Variants in LIN52 observed in about 807,000 individuals in gnomAD.
The protein encoded by LIN52 is protein lin-52 homolog.
LIN52 carries 4 observed loss-of-function variants against 18.5 expected under a neutral mutation model. The observed-to-expected ratio is 0.22, with a 90% confidence interval of 0.11 to 0.49. LIN52 has a LOEUF of 0.49. Among genes scored for constraint, LIN52 ranks in the 20% least tolerant of loss-of-function variants. The pLI, the probability that LIN52 is intolerant of heterozygous loss-of-function variation, is 0.97. For synonymous variants in LIN52, 34 were observed against 45.5 expected, an observed-to-expected ratio of 0.75 and a Z score of 1.02; for missense variants, 102 against 139.5, an observed-to-expected ratio of 0.73 and a Z score of 1.35.
intron 5 of LIN52, among the ~76,000 whole-genome samples, chr14:74,196,755 C>G (rs80314826): frequency 6.6e-6 from 1 of 152,104 alleles, no homozygotes; most frequent in East Asian, 1.9e-4. Flanking sequence ...GAACTTACCC[C>G]CCTCTGGAAA....
intron 5 of LIN52, among the ~76,000 whole-genome samples, chr14:74,101,453 G>T (rs1333414820): frequency 6.7e-6 from 1 of 149,556 alleles, no homozygotes; most frequent in East Asian, 2.0e-4. Flanking sequence ...GGTAACAAAT[G>T]ATTTTTCTTT....
intron 3 of LIN52, 112 bp from the exon 4 acceptor site, chr14:74,097,682 A>G (rs984487258): frequency 4.3e-6 from 3 of 702,558 alleles, no homozygotes; most frequent in Non-Finnish European, 4.8e-6. Flanking sequence ...ACCTCAAGTA[A>G]TCCGCCCACC....
intron 5 of LIN52, among the ~76,000 whole-genome samples, chr14:74,168,303 G>A (rs1217961651): frequency 6.6e-6 from 1 of 152,142 alleles, no homozygotes; most frequent in African/African-American, 2.4e-5. Context: ...TGTTATAACA[G>A]TTATTACTTA....
At chr14:74,116,905 G>A in intron 5 of LIN52, among the ~76,000 whole-genome samples, 1 of 145,680 alleles carries the variant, frequency 6.9e-6, no homozygotes. Flanking sequence ...ATGTTTTAAT[G>A]ACTATCTTGA....
intron 5 of LIN52, among the ~76,000 whole-genome samples, chr14:74,196,892 G>A (rs1043670155): frequency 2.6e-5 from 4 of 152,154 alleles, no homozygotes; most frequent in African/African-American, 4.8e-5. Context: ...CCCAGCCCAA[G>A]GTGTCACCCT....
intron 5 of LIN52, among the ~76,000 whole-genome samples, chr14:74,193,680 G>A (rs1261535590): frequency 6.6e-6 from 1 of 152,130 alleles, no homozygotes; most frequent in Non-Finnish European, 1.5e-5. Flanking sequence ...GAATGCCTGT[G>A]TGACTTTGTA....
At chr14:74,094,667 CTAGCCAG>C (rs1035893158) in intron 2 of LIN52, among the ~76,000 whole-genome samples, 6 of 152,164 alleles carry the variant, frequency 3.9e-5, no homozygotes, top group African/African-American at 1.4e-4. Flanking sequence ...TCCTCACATA[CTAGCCAG>C]TATTAGATGT....
At chr14:74,162,233 T>C (rs941249838) in intron 5 of LIN52, among the ~76,000 whole-genome samples, 1 of 152,072 alleles carries the variant, frequency 6.6e-6, no homozygotes, top group African/African-American at 2.4e-5. Context: ...CCCAGCACTT[T>C]GGGAGGCTGA....
At chr14:74,097,213 C>G (rs1005733599) in intron 3 of LIN52, among the ~76,000 whole-genome samples, 17 of 152,162 alleles carry the variant, frequency 1.1e-4, no homozygotes, top group African/African-American at 4.1e-4. Flanking sequence ...CATTGCTATA[C>G]TAACTTGTTA....
At chr14:74,194,479 C>G (rs2078898007) in intron 5 of LIN52, among the ~76,000 whole-genome samples, 1 of 152,190 alleles carries the variant, frequency 6.6e-6, no homozygotes. Flanking sequence ...CTGCCATGAA[C>G]TGGATAGCCC....
At chr14:74,136,609 TGTTGGAGGAAAAC>T (rs1363202389) in intron 5 of LIN52, among the ~76,000 whole-genome samples, 1 of 152,218 alleles carries the variant, frequency 6.6e-6, no homozygotes, top group African/African-American at 2.4e-5. Flanking sequence ...AGTCTCACAG[TGTTGGAGGAAAAC>T]GTTATTAAAA....
chr14:74,165,789 G>T (rs1026270192), intron 5 of LIN52, among the ~76,000 whole-genome samples: 2 of 151,938 alleles, frequency 1.3e-5, no homozygotes, highest in Admixed American at 6.6e-5. Flanking sequence ...GATTACAGGT[G>T]TGAGCCACTG....
chr14:74,200,820 T>TGCGCGC lies in LIN52; in HGVS notation c.*1848_*1853dup, dbSNP rs57561832. On this transcript the variant is annotated 3_prime_UTR_variant, in exon 6 of 6. Transcript: ENST00000555028. ...CGGTTGAAGAGTGTGTGTGTGTGTG[T>TGCGCGC]GCGCGCGCGCATGTGGCCAAAAAAT... 3 of 151,510 alleles carry TGCGCGC rather than the reference T, an allele frequency of 2.0e-5. No individual in the cohort carries two copies. Among genetic ancestry groups the TGCGCGC allele is most frequent in the Non-Finnish European group, 4.4e-5 (3 of 67,770 alleles). 9.4% of individuals were successfully genotyped at this position (151,510 alleles called of 1,614,324 possible).
At chr14:74,131,050 G>A (rs555174940) in intron 5 of LIN52, among the ~76,000 whole-genome samples, 52 of 152,072 alleles carry the variant, frequency 3.4e-4, no homozygotes, top group Non-Finnish European at 6.0e-4. Context: ...GCCTCCCAAA[G>A]TGCTAGGATT....
chr14:74,187,393 AT>A (rs1019401015), intron 5 of LIN52, among the ~76,000 whole-genome samples: 5 of 151,536 alleles, frequency 3.3e-5, no homozygotes, highest in African/African-American at 7.3e-5. Flanking sequence ...AGAAATACAT[AT>A]TTTTTTTTCT....
rs563258654 is a variant in LIN52 at position 74,200,817 on chromosome 14, G to T, written c.*1840G>T. ...ATGCGGTTGAAGAGTGTGTGTGTGT[G>T]TGTGCGCGCGCGCATGTGGCCAAAA... On this transcript the variant is annotated 3_prime_UTR_variant, in exon 6 of 6. Transcript: ENST00000555028. The T allele has an allele frequency of 3.9e-3, 346 of 87,888 alleles. 5 individuals are homozygous for T. Among genetic ancestry groups the T allele is most frequent in the African/African-American group, 0.011 (335 of 30,394 alleles). The allele number at this position is 87,888 out of a possible 1,614,324, so 5.4% of individuals were successfully genotyped here. A position where few individuals can be genotyped will look rare whatever the true frequency, so the allele number is the denominator to read the frequency against.
In LIN52 at chr14:74,110,734, G is replaced by A. The variant is rs562921816; in HGVS notation, c.283+9496G>A. Among the ~76,000 whole-genome samples, 3 of 151,172 alleles carry A rather than the reference G, an allele frequency of 2.0e-5. No individual in the cohort carries two copies. In the South Asian group the frequency reaches 6.3e-4, roughly 32 times the overall value. ...AATCCCAGCACTTTGGGATGCCAAG[G>A]CAGGCAGATCACGAGGTCAGGAGAT... On this transcript the variant is annotated intron_variant, in intron 5 of 5. Transcript: ENST00000555028.
chr14:74,194,046 C>T (rs2078896096), intron 5 of LIN52, among the ~76,000 whole-genome samples: 1 of 152,192 alleles, frequency 6.6e-6, no homozygotes, highest in Non-Finnish European at 1.5e-5. Flanking sequence ...TACATAAAAG[C>T]TGAGCAGAAT....
intron 5 of LIN52, among the ~76,000 whole-genome samples, chr14:74,112,309 T>A (rs2060934463): frequency 6.6e-6 from 1 of 152,160 alleles, no homozygotes; most frequent in Non-Finnish European, 1.5e-5. Flanking sequence ...TGTTTGTTTT[T>A]TTTTAAATTT....
Sources: allele counts gnomAD v4.1 joint callset (sites outside exome capture counted in the v4.1 genomes callset), GRCh38; gene constraint gnomAD v4.1.1; transcripts MANE v1.5; gene names NCBI Gene and HGNC (gene_info 2026-07-23, HGNC 2026-07-21).